Variants in CAD observed in about 807,000 individuals in gnomAD.
CAD encodes multifunctional protein CAD.
Under a neutral mutation model 237.2 loss-of-function variants are expected in CAD, and 81 were observed. That is an observed-to-expected ratio of 0.34 (90% CI 0.29 to 0.41). The LOEUF (loss-of-function observed/expected upper bound fraction) is 0.41. Ranked by LOEUF, CAD falls within the 10% of genes least tolerant of loss-of-function variation. The pLI is 1.00. For synonymous variants in CAD, 1,196 were observed against 1,162.8 expected (o/e 1.03, Z -0.58); for missense variants, 2,181 against 2,951.7 (o/e 0.74, Z 6.05).
intron 23 of CAD, 84 bp downstream of exon 23, chr2:27,234,769 C>A: frequency 7.5e-7 from 1 of 1,328,590 alleles, no homozygotes; most frequent in Non-Finnish European, 1.0e-6. Flanking sequence ...AGTATGTAAA[C>A]CAGGCACTGA....
chr2:27,225,983 G>A (rs995266574), intron 12 of CAD, 57 bp downstream of exon 12: 3 of 1,563,458 alleles, frequency 1.9e-6, no homozygotes, highest in Middle Eastern at 1.7e-4. Context: ...TTTTGGAAGA[G>A]CAGAGGCCCA....
At position 27,239,857 on chromosome 2, in the gene CAD, G is replaced by A. The variant is rs1676215725; in HGVS notation, c.5496+59G>A. 23 of 1,218,554 alleles carry A rather than the reference G, an allele frequency of 1.9e-5. No homozygotes were observed. The South Asian group carries it at 3.4e-4, about 18-fold the overall frequency. 75.5% of individuals were successfully genotyped at this position (1,218,554 alleles called of 1,614,324 possible). On this transcript the variant is annotated intron_variant, in intron 34 of 43. Coordinates refer to ENST00000264705, the MANE Select transcript of CAD (RefSeq NM_004341.5). The surrounding 1 kb of genome is among the most constrained non-coding windows in gnomAD (Gnocchi z 4.0). ...TGTTAGTCTCAGGGCAGGATGAACA[G>A]CTTGAACATTTTCATTGGTGGTTCA...
rs767124377 is a variant in CAD at position 27,239,271 on chromosome 2, A to G, written c.5253+39A>G. On this transcript the variant is annotated intron_variant, in intron 32 of 43. Transcript: ENST00000264705. This position sits in a 1 kb window ranked among gnomAD's most constrained non-coding sequence, Gnocchi z 4.0. ...GCCCAGAGCAGGAGGGGGGCTCTCC[A>G]GCCCTAGGATATGTTCTCTGGGGAT... 17 of 1,601,576 alleles carry G rather than the reference A, an allele frequency of 1.1e-5. No individual in the cohort carries two copies. In the Admixed American group the frequency reaches 2.0e-4, roughly 19 times the overall value.
chr2:27,225,632 T>A (rs1369558468), intron 11 of CAD, 73 bp from the exon 12 acceptor site: 3 of 1,212,314 alleles, frequency 2.5e-6, no homozygotes, highest in East Asian at 4.7e-5. Context: ...CTTTATATCT[T>A]TTTTTATGTG....
intron 15 of CAD, among the ~76,000 whole-genome samples, chr2:27,229,122 ACTG>A (rs1222270179): frequency 1.8e-4 from 27 of 149,954 alleles, no homozygotes; most frequent in Admixed American, 1.7e-3. Flanking sequence ...GTTTCATCAT[ACTG>A]CTTAGGATGG....
chr2:27,221,753 A>ATTTT (rs57429918), intron 3 of CAD, among the ~76,000 whole-genome samples: 19 of 103,500 alleles, frequency 1.8e-4, no homozygotes, highest in South Asian at 3.3e-4. Flanking sequence ...AAATTTCCCA[A>ATTTT]TTTTTTTTTT....
Position 27,235,775 on chromosome 2 carries a change from G to C in CAD, c.4074+135G>C, listed in dbSNP as rs1675970322. 5 of 690,146 alleles carry C rather than the reference G, an allele frequency of 7.2e-6. No individual in the cohort carries two copies. The Admixed American group carries it at 7.9e-5, about 11-fold the overall frequency. 42.8% of individuals were successfully genotyped at this position (690,146 alleles called of 1,614,324 possible). On this transcript the variant is annotated intron_variant, in intron 25 of 43. Transcript: ENST00000264705. This position sits in a 1 kb window ranked among gnomAD's most constrained non-coding sequence, Gnocchi z 5.2. ...AGATACTCAGGAGGCTAAGGCAGGA[G>C]AATCTCTTGAGCCCAGGAGGTAGAG...
In CAD at chr2:27,237,313, C is replaced by T. The variant is rs1676061695; in HGVS notation, c.4397-66C>T. 1 of 1,533,532 alleles carries T rather than the reference C, an allele frequency of 6.5e-7. No homozygotes were observed. Among genetic ancestry groups the T allele is most frequent in the Admixed American group, 1.7e-5 (1 of 59,296 alleles). The allele number at this position is 1,533,532 out of a possible 1,614,324, so 95.0% of individuals were successfully genotyped here. A position where few individuals can be genotyped will look rare whatever the true frequency, so the allele number is the denominator to read the frequency against. On this transcript the variant is annotated intron_variant, in intron 27 of 43. Transcript: ENST00000264705. The surrounding 1 kb of genome is among the most constrained non-coding windows in gnomAD (Gnocchi z 4.0). ...TGCTAGGATTACAGGCGTGAGCCAC[C>T]ATGTCCAGCTCACCCTTCCTATTTC...
Position 27,232,976 on chromosome 2 carries a change from T to G in CAD, c.2893-66T>G. 9.1e-7 allele frequency: 1 copy of G among 1,103,866 alleles called. No individual in the cohort carries two copies. Among genetic ancestry groups the G allele is most frequent in the Non-Finnish European group, 1.4e-6 (1 of 717,978 alleles). The allele number at this position is 1,103,866 out of a possible 1,614,324, so 68.4% of individuals were successfully genotyped here. ...GAAGTAGGGGCTTTGGCTTAGTTTC[T>G]CCACGATTTTCTCCACGATTTTCCT... On this transcript the variant is annotated intron_variant, in intron 18 of 43. Transcript: ENST00000264705. The surrounding 1 kb of genome is among the most constrained non-coding windows in gnomAD (Gnocchi z 4.1).
intron 15 of CAD, among the ~76,000 whole-genome samples, chr2:27,230,086 A>C (rs1030737436): frequency 1.3e-5 from 2 of 150,362 alleles, no homozygotes; most frequent in African/African-American, 4.9e-5. Context: ...AAAAATACAA[A>C]AATTACCCAG....
intron 15 of CAD, among the ~76,000 whole-genome samples, chr2:27,230,173 G>T (rs1390311799): frequency 6.6e-6 from 1 of 152,194 alleles, no homozygotes; most frequent in Non-Finnish European, 1.5e-5. Flanking sequence ...AGGAGGCACA[G>T]GTTACACTGA....
At chr2:27,224,514 T>G (rs1447775110) in intron 9 of CAD, 24 bp downstream of exon 9, 1 of 1,610,140 alleles carries the variant, frequency 6.2e-7, no homozygotes, top group Admixed American at 1.7e-5. Flanking sequence ...CTCCCCACCC[T>G]TCTGGGCGTG....
chr2:27,238,918 A>G, intron 31 of CAD, 124 bp from the exon 32 acceptor site: 1 of 975,820 alleles, frequency 1.0e-6, no homozygotes, highest in Non-Finnish European at 1.5e-6. Flanking sequence ...AGTTCCCAGA[A>G]AAAATGAGCA....
rs1676316759 is a variant in CAD at position 27,241,511 on chromosome 2, TA to T, written c.5883+116del. On this transcript the variant is annotated intron_variant, in intron 38 of 43. Transcript: ENST00000264705. This position sits in a 1 kb window ranked among gnomAD's most constrained non-coding sequence, Gnocchi z 4.6. ...TCCTCCCCCTGCCATCCCGTCCCCT[TA>T]TGCTAGTCCATCCCTCTGCTGCTGT... 2.1e-6 allele frequency: 2 copies of T among 957,596 alleles called. No homozygotes were observed. The highest frequency in any genetic ancestry group is 4.8e-5 in the East Asian group (2 of 41,864). 59.3% of individuals were successfully genotyped at this position (957,596 alleles called of 1,614,324 possible).
In CAD at chr2:27,233,914, G is replaced by C; in HGVS notation, c.3400-94G>C. On this transcript the variant is annotated intron_variant, in intron 21 of 43. Transcript: ENST00000264705. The surrounding 1 kb of genome is among the most constrained non-coding windows in gnomAD (Gnocchi z 6.3). ...CATAGGCACCAGGGCTGGGAACAGT[G>C]GGCTATGTGGGGCTCGTTAAAGGAA... The C allele has an allele frequency of 2.0e-6, 3 of 1,531,770 alleles. No individual in the cohort carries two copies. The highest frequency in any genetic ancestry group is 2.7e-6 in the Non-Finnish European group (3 of 1,113,170). 94.9% of individuals were successfully genotyped at this position (1,531,770 alleles called of 1,614,324 possible). A position where few individuals can be genotyped will look rare whatever the true frequency, so the allele number is the denominator to read the frequency against.
rs757444072 is a variant in CAD, at chr2:27,236,273, C to T, written c.4075-11C>T. 1.4e-5 allele frequency: 23 copies of T among 1,611,664 alleles called. No homozygotes were observed. Among genetic ancestry groups the T allele is most frequent in the South Asian group, 1.3e-4 (12 of 90,988 alleles). ...GACAGCTTGGCCCTGACCTTGACTC[C>T]GGGTTGGCAGGTAACAGCTGTGGAC... On this transcript the variant is annotated splice_polypyrimidine_tract_variant and intron_variant, in intron 25 of 43. Coordinates refer to ENST00000264705, the MANE Select transcript of CAD (RefSeq NM_004341.5). The surrounding 1 kb of genome is among the most constrained non-coding windows in gnomAD (Gnocchi z 4.1).
rs1343583070 is a variant in CAD at position 27,243,866 on chromosome 2, G to A, written c.*348G>A. On this transcript the variant is annotated 3_prime_UTR_variant, in exon 44 of 44. Coordinates refer to ENST00000264705, the MANE Select transcript of CAD (RefSeq NM_004341.5). ...TTATAAGAGCAGCCTCACCAGGCAGGGCTCTGGCTAGGGCTGCGTGCCCAC... is the reference window on the plus strand; with the variant it reads ...TTATAAGAGCAGCCTCACCAGGCAGAGCTCTGGCTAGGGCTGCGTGCCCAC... 3.9e-6 allele frequency: 1 copy of A among 256,290 alleles called. No homozygotes were observed. The highest frequency in any genetic ancestry group is 5.0e-5 in the Admixed American group (1 of 20,088). 15.9% of individuals were successfully genotyped at this position (256,290 alleles called of 1,614,324 possible).
chr2:27,217,840 T>C, intron 1 of CAD, 37 bp from the exon 2 acceptor site: 1 of 1,558,532 alleles, frequency 6.4e-7, no homozygotes, highest in Middle Eastern at 1.7e-4. Context: ...TTCCGAAGGG[T>C]GCCCTACCGG....
At chr2:27,225,578 C>A in intron 11 of CAD, 127 bp from the exon 12 acceptor site, 1 of 695,792 alleles carries the variant, frequency 1.4e-6, no homozygotes, top group Non-Finnish European at 2.4e-6. Context: ...TCCCAAATTG[C>A]TGGGGTTACA....
Sources: gnomAD v4.1 joint callset for allele counts (sites outside exome capture counted in the v4.1 genomes callset) on GRCh38, gnomAD v4.1.1 for gene constraint, Gnocchi (gnomAD v3.1) non-coding constraint, MANE v1.5 for transcripts, NCBI Gene and HGNC (gene_info 2026-07-23, HGNC 2026-07-21) for gene names.